Variants in DSCAM observed in about 807,000 individuals in gnomAD.
The protein encoded by DSCAM is cell adhesion molecule DSCAM.
A neutral mutation model predicts 217.7 loss-of-function variants in DSCAM; 47 were observed. The ratio of observed to expected loss-of-function variants is 0.22; its 90% CI spans 0.17 to 0.28. The LOEUF is 0.28. Among genes scored for constraint, DSCAM ranks in the 10% least tolerant of loss-of-function variants. The pLI is 1.00. For synonymous variants in DSCAM, 1,056 were observed against 1,015.3 expected, an observed-to-expected ratio of 1.04 and a Z score of -0.76; for missense variants, 2,080 against 2,618.3, an observed-to-expected ratio of 0.79 and a Z score of 4.49.
intron 1 of DSCAM, among the ~76,000 whole-genome samples, chr21:40,754,119 T>C (rs145105595): frequency 3.3e-5 from 5 of 152,202 alleles, no homozygotes; most frequent in East Asian, 1.9e-4. Context: ...CAGACTCCGC[T>C]GTGGGGAGCA....
intron 6 of DSCAM, among the ~76,000 whole-genome samples, chr21:40,345,732 C>T (rs1360488810): frequency 6.6e-6 from 1 of 152,040 alleles, no homozygotes; most frequent in Non-Finnish European, 1.5e-5. Flanking sequence ...AGGAAATTAG[C>T]CAGACACTCT....
At chr21:40,246,250 C>T (rs2146951458) in intron 11 of DSCAM, among the ~76,000 whole-genome samples, 1 of 147,984 alleles carries the variant, frequency 6.8e-6, no homozygotes, top group East Asian at 2.1e-4. Flanking sequence ...GGCATGGTGG[C>T]TCACACCTGT....
intron 1 of DSCAM, among the ~76,000 whole-genome samples, chr21:40,845,685 A>C (rs943911424): frequency 6.6e-6 from 1 of 151,904 alleles, no homozygotes; most frequent in Non-Finnish European, 1.5e-5. Flanking sequence ...TAGGTTATAC[A>C]TTTTATGCAG....
At position 40,013,234 on chromosome 21, in the gene DSCAM, G is replaced by A. The variant is rs757616756; in HGVS notation, c.5839C>T (p.Pro1947Ser). Residue 1947 changes from proline (P) to serine (S), a missense_variant, in exon 33 of 33, where the codon CCG becomes TCG. This residue lies in a region of DSCAM where 145 missense variants were observed against 138.5 expected (regional missense o/e 1.05). Coordinates refer to ENST00000400454, the MANE Select transcript of DSCAM (RefSeq NM_001389.5). ...GAGGCGGAGGAGGCGGCTTCCATCGGGATGGGCTCCAGGACCGTGGGGCGC... is the reference window on the plus strand; with the variant it reads ...GAGGCGGAGGAGGCGGCTTCCATCGAGATGGGCTCCAGGACCGTGGGGCGC... ...LKRPTVLEPI[P>S]MEAASSASST... The A allele has an allele frequency of 1.2e-6, 2 of 1,613,856 alleles. No individual in the cohort carries two copies. Among genetic ancestry groups the A allele is most frequent in the South Asian group, 1.1e-5 (1 of 90,986 alleles).
chr21:40,610,060 C>T (rs73905006), intron 3 of DSCAM, among the ~76,000 whole-genome samples: 2,561 of 152,274 alleles, frequency 0.017, 64 homozygotes, highest in African/African-American at 0.059. Context: ...CAACCAAACA[C>T]CTTTAAAACA....
At chr21:40,373,335 A>G (rs775059772) in intron 3 of DSCAM, among the ~76,000 whole-genome samples, 1 of 152,182 alleles carries the variant, frequency 6.6e-6, no homozygotes, top group Non-Finnish European at 1.5e-5. Context: ...CAAGTGATGC[A>G]CCCATTCGTT....
Position 40,189,079 on chromosome 21 carries a change from G to T in DSCAM, c.2516C>A (p.Thr839Asn). ...NPEMARYLVS[T>N]KEVGEEVIST... ...AATCACCTCTTCTCCCACCTCCTTG[G>T]TGGACACAAGATAACGGGCCATCTC... is the stretch of plus-strand genomic sequence containing the variant. The change falls in exon 12 of 33, where the codon ACC (threonine) becomes AAC (asparagine). Residue 839 changes from threonine (T) to asparagine (N), a missense_variant. Physicochemically the swap from Thr to Asn is moderately conservative, Grantham distance 65. Around this residue, in one of 5 missense-constraint regions of DSCAM, gnomAD observed 1,144 missense variants for 1,421.1 expected, o/e 0.81. Transcript: ENST00000400454. The T allele has an allele frequency of 6.2e-7, 1 of 1,614,018 alleles. No individual in the cohort carries two copies. The highest frequency in any genetic ancestry group is 8.5e-7 in the Non-Finnish European group (1 of 1,180,004).
chr21:40,436,660 GA>G (rs2075585607), intron 3 of DSCAM, among the ~76,000 whole-genome samples: 2 of 152,164 alleles, frequency 1.3e-5, no homozygotes. Flanking sequence ...GGGGTGTCAG[GA>G]ACAGCTACAA....
chr21:40,563,606 A>G (rs1601747639), intron 3 of DSCAM, among the ~76,000 whole-genome samples: 1 of 142,200 alleles, frequency 7.0e-6, no homozygotes, highest in Non-Finnish European at 1.5e-5. Context: ...TGTTATATAT[A>G]TGTTTACATG....
intron 27 of DSCAM, among the ~76,000 whole-genome samples, chr21:40,064,711 G>A (rs1041206392): frequency 4.6e-5 from 7 of 152,174 alleles, no homozygotes; most frequent in Admixed American, 2.0e-4. Flanking sequence ...CACATGCATC[G>A]GAATTATGAG....
chr21:40,780,239 A>G (rs915284815), intron 1 of DSCAM, among the ~76,000 whole-genome samples: 9 of 151,986 alleles, frequency 5.9e-5, no homozygotes, highest in Admixed American at 1.3e-4. Context: ...TGTTCTTTCT[A>G]TCAGAAGCTA....
intron 11 of DSCAM, among the ~76,000 whole-genome samples, chr21:40,217,273 A>G (rs73213105): frequency 0.054 from 8,283 of 152,302 alleles, 353 homozygotes; most frequent in African/African-American, 0.11. Context: ...GCATAGAAAG[A>G]TATCATTCAT....
At chr21:40,711,746 A>T (rs887517444) in intron 1 of DSCAM, among the ~76,000 whole-genome samples, 3 of 152,146 alleles carry the variant, frequency 2.0e-5, no homozygotes, top group African/African-American at 7.2e-5. Flanking sequence ...CCCTCGTGTT[A>T]AGTTGCAACA....
chr21:40,162,135 G>A (rs1268807205), intron 16 of DSCAM, among the ~76,000 whole-genome samples: 1 of 152,180 alleles, frequency 6.6e-6, no homozygotes, highest in African/African-American at 2.4e-5. Context: ...CTGGTTGACT[G>A]CTCAGAAACC....
intron 3 of DSCAM, among the ~76,000 whole-genome samples, chr21:40,505,614 GTGCCT>G (rs2076204130): frequency 6.6e-6 from 1 of 152,208 alleles, no homozygotes; most frequent in Non-Finnish European, 1.5e-5. Context: ...AACATTTGGA[GTGCCT>G]TAATTTTCCC....
intron 8 of DSCAM, among the ~76,000 whole-genome samples, chr21:40,322,839 A>T (rs974292414): frequency 6.6e-5 from 10 of 151,936 alleles, no homozygotes; most frequent in Non-Finnish European, 1.5e-4. Flanking sequence ...GGCGCAAATG[A>T]ATGAAAAAAT....
chr21:40,176,753 T>C (rs1270355521), intron 15 of DSCAM, among the ~76,000 whole-genome samples: 1 of 152,106 alleles, frequency 6.6e-6, no homozygotes, highest in Non-Finnish European at 1.5e-5. Context: ...CACACCCAGA[T>C]ACAATACAAA....
chr21:40,144,427 C>T lies in DSCAM; in HGVS notation c.3259+64G>A, dbSNP rs554882257. The T allele has an allele frequency of 3.2e-4, 518 of 1,594,014 alleles. 3 individuals are homozygous for T. The African/African-American group carries it at 6.3e-3, about 20-fold the overall frequency. On this transcript the variant is annotated intron_variant, in intron 17 of 32. Transcript: ENST00000400454. This position sits in a 1 kb window ranked among gnomAD's most constrained non-coding sequence, Gnocchi z 4.8. ...GGGGAGTGCGAGGTTGGGGGAGCCC[C>T]GGGGCAGACCCGAGGGAACCTTTGC...
chr21:40,597,934 T>C (rs1283526046), intron 3 of DSCAM, among the ~76,000 whole-genome samples: 1 of 152,162 alleles, frequency 6.6e-6, no homozygotes, highest in African/African-American at 2.4e-5. Flanking sequence ...CTTGCAACAG[T>C]GTGAGGAATT....
Sources: allele counts gnomAD v4.1 joint callset (sites outside exome capture counted in the v4.1 genomes callset), GRCh38; gene constraint gnomAD v4.1.1; regional missense constraint gnomAD v4.1.1; non-coding constraint Gnocchi (gnomAD v3.1); transcripts MANE v1.5; gene names NCBI Gene and HGNC (gene_info 2026-07-23, HGNC 2026-07-21).